CAMTA1: variants seen among roughly 807,000 people sequenced by gnomAD.
The protein encoded by CAMTA1 is calmodulin binding transcription activator 1, also known as calmodulin-binding transcription activator 1.
Under a neutral mutation model 170.9 loss-of-function variants are expected in CAMTA1, and 27 were observed. That is an observed-to-expected ratio of 0.16 (90% CI 0.12 to 0.22). The LOEUF is 0.22. CAMTA1 is among the 10% of genes least tolerant of loss of function. CAMTA1 has a pLI of 1.00. For missense variants in CAMTA1, 1,619 were observed against 2,217.2 expected (o/e 0.73, Z 5.42); for synonymous variants, 833 against 891.5 (o/e 0.93, Z 1.17).
chr1:7,665,092 G>A lies in CAMTA1; in HGVS notation c.2545G>A (p.Ala849Thr), dbSNP rs776522560. 61 of 1,543,528 alleles carry A rather than the reference G, an allele frequency of 4.0e-5. No homozygotes were observed. Among genetic ancestry groups the A allele is most frequent in the South Asian group, 2.4e-4 (19 of 79,894 alleles). ...CAGCACCATGGCCTACATGCACGTC[G>A]CCGAGGTGGTCTCGGCCGCCTCGGC... is the stretch of plus-strand genomic sequence containing the variant. The part of the protein sequence containing the change: ...GASTMAYMHV[A>T]EVVSAASAQG... The change falls in exon 9 of 23, where the codon GCC becomes ACC. Residue 849 changes from alanine (A) to threonine (T), a missense_variant. Around this residue, in one of 8 missense-constraint regions of CAMTA1, gnomAD observed 731 missense variants for 907.6 expected, o/e 0.81. Transcript: ENST00000303635. The surrounding 1 kb of genome is among the most constrained non-coding windows in gnomAD (Gnocchi z 4.3).
At chr1:7,242,401 G>T (rs1294472411) in intron 4 of CAMTA1, among the ~76,000 whole-genome samples, 1 of 152,218 alleles carries the variant, frequency 6.6e-6, no homozygotes, top group African/African-American at 2.4e-5. Flanking sequence ...CTAATAAGAT[G>T]TAAGTATCTT....
chr1:7,410,759 G>A (rs974750037), intron 5 of CAMTA1, among the ~76,000 whole-genome samples: 7 of 152,278 alleles, frequency 4.6e-5, no homozygotes, highest in African/African-American at 7.2e-5. Flanking sequence ...GCTTGCAGGC[G>A]CTTTAATGCC....
intron 8 of CAMTA1, 78 bp downstream of exon 8, chr1:7,661,944 T>C (rs1017172725): frequency 2.3e-5 from 34 of 1,481,018 alleles, no homozygotes; most frequent in Non-Finnish European, 3.1e-5. Context: ...GGCTGTCCTC[T>C]GTGGGAGTAG....
chr1:7,334,455 T>G (rs748533091), intron 5 of CAMTA1, among the ~76,000 whole-genome samples: 3 of 152,224 alleles, frequency 2.0e-5, no homozygotes, highest in Non-Finnish European at 4.4e-5. Context: ...GAAACGGAAT[T>G]TCTGCTTACC....
intron 3 of CAMTA1, among the ~76,000 whole-genome samples, chr1:6,858,903 A>G (rs371672723): frequency 1.2e-4 from 18 of 152,362 alleles, no homozygotes; most frequent in East Asian, 7.7e-4. Context: ...AAGCTGCCTT[A>G]TAGTTAAAGG....
At chr1:6,831,977 T>TC (rs981252257) in intron 3 of CAMTA1, among the ~76,000 whole-genome samples, 1 of 152,174 alleles carries the variant, frequency 6.6e-6, no homozygotes, top group African/African-American at 2.4e-5. Context: ...GAGTACTTTT[T>TC]CCCCCTAACT....
At chr1:7,415,740 G>A (rs919892185) in intron 5 of CAMTA1, among the ~76,000 whole-genome samples, 146 of 151,968 alleles carry the variant, frequency 9.6e-4, no homozygotes, top group African/African-American at 3.3e-3. Context: ...CTTTTAATTG[G>A]AGCATTTAGC....
chr1:7,026,650 T>G (rs1702060402), intron 3 of CAMTA1, among the ~76,000 whole-genome samples: 1 of 149,962 alleles, frequency 6.7e-6, no homozygotes, highest in Non-Finnish European at 1.5e-5. Context: ...TTTTTTTTTT[T>G]TTTTTGAGAC....
intron 3 of CAMTA1, among the ~76,000 whole-genome samples, chr1:6,985,235 C>A (rs1695166984): frequency 6.6e-6 from 1 of 152,282 alleles, no homozygotes; most frequent in East Asian, 1.9e-4. Flanking sequence ...CTACGGGGGC[C>A]CCTCAGTAAA....
chr1:7,449,836 G>T (rs988037803), intron 5 of CAMTA1, among the ~76,000 whole-genome samples: 1 of 151,838 alleles, frequency 6.6e-6, no homozygotes, highest in Non-Finnish European at 1.5e-5. Context: ...GTACTCAGTG[G>T]AACGGCAGGG....
At chr1:7,322,578 G>A (rs1002962737) in intron 5 of CAMTA1, among the ~76,000 whole-genome samples, 2 of 152,234 alleles carry the variant, frequency 1.3e-5, no homozygotes, top group Non-Finnish European at 2.9e-5. Context: ...ACTGCTGGTG[G>A]GGATGTAAAA....
At chr1:7,346,342 T>G (rs1345437338) in intron 5 of CAMTA1, among the ~76,000 whole-genome samples, 1 of 152,194 alleles carries the variant, frequency 6.6e-6, no homozygotes, top group African/African-American at 2.4e-5. Flanking sequence ...AGGCAGTTCC[T>G]CAGATTCTCC....
intron 6 of CAMTA1, among the ~76,000 whole-genome samples, chr1:7,483,818 A>T (rs1288451016): frequency 6.6e-6 from 1 of 152,084 alleles, no homozygotes; most frequent in Non-Finnish European, 1.5e-5. Context: ...CGCAGCCCAC[A>T]GGCCGTGGCA....
chr1:7,479,619 C>T (rs560907357), intron 6 of CAMTA1, among the ~76,000 whole-genome samples: 337 of 152,316 alleles, frequency 2.2e-3, no homozygotes, highest in African/African-American at 7.8e-3. Context: ...ATGTGAGATG[C>T]GCTGGTGCTG....
chr1:6,940,854 C>T (rs1686327500), intron 3 of CAMTA1, among the ~76,000 whole-genome samples: 1 of 3,528 alleles, frequency 2.8e-4, no homozygotes, highest in African/African-American at 1.4e-3. Flanking sequence ...CAGCACTATC[C>T]CCCATTTGTG....
rs951539627 is a variant in CAMTA1 at position 7,195,238 on chromosome 1, A to G, written c.303-54253A>G. On this transcript the variant is annotated intron_variant, in intron 4 of 22. Transcript: ENST00000303635. The surrounding 1 kb of genome is among the most constrained non-coding windows in gnomAD (Gnocchi z 4.1). ...ACCTTGCAGGCATATGGCAGCTCCCACGTTCTCACACCATTCGACATTTGG... is the reference window on the plus strand; with the variant it reads ...ACCTTGCAGGCATATGGCAGCTCCCGCGTTCTCACACCATTCGACATTTGG... Among the ~76,000 whole-genome samples the G allele has an allele frequency of 6.6e-6, 1 of 152,190 alleles. No individual in the cohort carries two copies. Among genetic ancestry groups the G allele is most frequent in the African/African-American group, 2.4e-5 (1 of 41,452 alleles).
At chr1:6,998,529 A>C (rs1382751355) in intron 3 of CAMTA1, among the ~76,000 whole-genome samples, 1 of 152,140 alleles carries the variant, frequency 6.6e-6, no homozygotes, top group Non-Finnish European at 1.5e-5. Flanking sequence ...CCAGACTCCC[A>C]AGCCTGTCCC....
At chr1:6,808,844 T>G (rs1644837755) in intron 1 of CAMTA1, among the ~76,000 whole-genome samples, 2 of 151,672 alleles carry the variant, frequency 1.3e-5, no homozygotes, top group South Asian at 2.1e-4. Flanking sequence ...GGCTGAGGAG[T>G]GTGTGTGTCA....
At chr1:7,559,026 G>A (rs1006878826) in intron 6 of CAMTA1, among the ~76,000 whole-genome samples, 8 of 152,222 alleles carry the variant, frequency 5.3e-5, no homozygotes, top group Non-Finnish European at 1.0e-4. Flanking sequence ...GGGACAAAGG[G>A]CCAGGTGTCT....
Sources: gnomAD v4.1 joint callset for allele counts (sites outside exome capture counted in the v4.1 genomes callset) on GRCh38, gnomAD v4.1.1 for gene constraint, gnomAD v4.1.1 regional missense constraint, Gnocchi (gnomAD v3.1) non-coding constraint, MANE v1.5 for transcripts, NCBI Gene and HGNC (gene_info 2026-07-23, HGNC 2026-07-21) for gene names.